Variants in CAMK4 observed in about 807,000 individuals in gnomAD.
CAMK4 encodes calcium/calmodulin dependent protein kinase IV.
In CAMK4, 22 loss-of-function variants were observed where a neutral mutation model predicts 44.9. The observed-to-expected ratio is 0.49, with a 90% CI of 0.35 to 0.70. CAMK4 has a LOEUF of 0.70. CAMK4 is among the 30% of genes least tolerant of loss of function. The pLI, the probability that CAMK4 is intolerant of heterozygous loss-of-function variation, is 0.01. For missense variants in CAMK4, 498 were observed against 586.8 expected, an observed-to-expected ratio of 0.85 and a Z score of 1.56; for synonymous variants, 218 against 215.4, an observed-to-expected ratio of 1.01 and a Z score of -0.11.
chr5:111,444,229 T>C (rs1471084262), intron 5 of CAMK4, among the ~76,000 whole-genome samples: 1 of 152,230 alleles, frequency 6.6e-6, no homozygotes, highest in African/African-American at 2.4e-5. Context: ...GTTGTGATAC[T>C]GTACAGATTT....
chr5:111,330,919 A>G (rs1749140771), intron 1 of CAMK4, among the ~76,000 whole-genome samples: 1 of 151,770 alleles, frequency 6.6e-6, no homozygotes, highest in Non-Finnish European at 1.5e-5. Context: ...ACATAAATAC[A>G]TGGAAAAAAT....
intron 5 of CAMK4, among the ~76,000 whole-genome samples, chr5:111,445,617 G>A (rs1416582550): frequency 6.6e-6 from 1 of 151,996 alleles, no homozygotes; most frequent in African/African-American, 2.4e-5. Flanking sequence ...TCATAGAGAT[G>A]GGCTCTTGTT....
At chr5:111,353,450 A>G (rs1750198454) in intron 2 of CAMK4, among the ~76,000 whole-genome samples, 1 of 152,098 alleles carries the variant, frequency 6.6e-6, no homozygotes. Context: ...ATCATCCTCC[A>G]AGGAAAGTAG....
intron 7 of CAMK4, among the ~76,000 whole-genome samples, chr5:111,450,338 A>G (rs895898166): frequency 1.3e-5 from 2 of 151,970 alleles, no homozygotes; most frequent in African/African-American, 4.8e-5. Flanking sequence ...TCTAAAAACA[A>G]AAACAAAGAG....
At chr5:111,325,838 C>G (rs1332439961) in intron 1 of CAMK4, among the ~76,000 whole-genome samples, 1 of 151,916 alleles carries the variant, frequency 6.6e-6, no homozygotes, top group Admixed American at 6.6e-5. Context: ...CCTGTTCACT[C>G]TGATGAGTGA....
At chr5:111,289,969 C>G (rs1751380160) in intron 1 of CAMK4, among the ~76,000 whole-genome samples, 1 of 152,180 alleles carries the variant, frequency 6.6e-6, no homozygotes, top group Non-Finnish European at 1.5e-5. Flanking sequence ...AGTAGTATCT[C>G]CCTGGGAACC....
intron 1 of CAMK4, among the ~76,000 whole-genome samples, chr5:111,287,930 C>T (rs774983932): frequency 3.9e-5 from 6 of 152,180 alleles, no homozygotes; most frequent in Non-Finnish European, 7.3e-5. Flanking sequence ...TCTGGCAGGC[C>T]TTCTCCTAAT....
rs199948742 is a variant in CAMK4, at chr5:111,436,048, A to AT, written c.460-10631dup. On this transcript the variant is annotated intron_variant, in intron 5 of 10. Coordinates refer to ENST00000282356, the MANE Select transcript of CAMK4 (RefSeq NM_001744.6). ...TCTAGACACCTAGCTTTTTCTGTTCATTTTTTTGCATAATATCTAATTAAA... is the reference window on the plus strand; with the variant it reads ...TCTAGACACCTAGCTTTTTCTGTTCATTTTTTTTGCATAATATCTAATTAAA... Among the ~76,000 whole-genome samples the AT allele has an allele frequency of 8.4e-3, 1,282 of 152,136 alleles. 16 individuals carry two copies. Among genetic ancestry groups the AT allele is most frequent in the African/African-American group, 0.03 (1,227 of 41,512 alleles).
intron 1 of CAMK4, among the ~76,000 whole-genome samples, chr5:111,227,212 A>G (rs1374027076): frequency 6.6e-6 from 1 of 152,242 alleles, no homozygotes; most frequent in Non-Finnish European, 1.5e-5. Flanking sequence ...AAGAATCGAT[A>G]GAGCCAGAGA....
intron 1 of CAMK4, among the ~76,000 whole-genome samples, chr5:111,333,489 GA>G (rs1362979179): frequency 1.3e-5 from 2 of 151,640 alleles, no homozygotes; most frequent in Non-Finnish European, 3.0e-5. Context: ...TTGTGATTGA[GA>G]ACCAATACTC....
intron 1 of CAMK4, among the ~76,000 whole-genome samples, chr5:111,240,607 T>C (rs1478375554): frequency 1.3e-5 from 2 of 152,186 alleles, no homozygotes; most frequent in African/African-American, 4.8e-5. Flanking sequence ...AAGCTGTTAA[T>C]GAGATACTCA....
intron 1 of CAMK4, among the ~76,000 whole-genome samples, chr5:111,329,815 G>C (rs1749078666): frequency 6.6e-6 from 1 of 151,552 alleles, no homozygotes; most frequent in Admixed American, 6.6e-5. Flanking sequence ...AAATCTCTCA[G>C]CAAAGTAAGA....
At chr5:111,452,333 G>A (rs1197581044) in intron 7 of CAMK4, among the ~76,000 whole-genome samples, 1 of 152,216 alleles carries the variant, frequency 6.6e-6, no homozygotes, top group East Asian at 1.9e-4. Context: ...CAGGCTAAGG[G>A]ATTCAGATTT....
chr5:111,257,461 A>G (rs1007858110), intron 1 of CAMK4, among the ~76,000 whole-genome samples: 8 of 152,226 alleles, frequency 5.3e-5, no homozygotes, highest in Non-Finnish European at 2.9e-5. Context: ...ATCTCACACC[A>G]GTCAGAATGA....
intron 5 of CAMK4, among the ~76,000 whole-genome samples, chr5:111,437,304 G>A (rs1368120512): frequency 6.6e-6 from 1 of 152,084 alleles, no homozygotes; most frequent in African/African-American, 2.4e-5. Flanking sequence ...ATGAATAAAA[G>A]GTCTAGATTA....
At chr5:111,255,116 T>A (rs1357976704) in intron 1 of CAMK4, among the ~76,000 whole-genome samples, 1 of 152,212 alleles carries the variant, frequency 6.6e-6, no homozygotes, top group East Asian at 1.9e-4. Context: ...TGTATCAAAA[T>A]TCCCTGGTGT....
At chr5:111,463,347 G>A (rs1754705888) in intron 7 of CAMK4, among the ~76,000 whole-genome samples, 1 of 152,190 alleles carries the variant, frequency 6.6e-6, no homozygotes, top group Non-Finnish European at 1.5e-5. Context: ...ACAAATGGGA[G>A]AGAATCCACA....
At chr5:111,350,576 T>G (rs552085344) in intron 2 of CAMK4, among the ~76,000 whole-genome samples, 26 of 152,088 alleles carry the variant, frequency 1.7e-4, no homozygotes, top group African/African-American at 5.5e-4. Context: ...AACCCTAAGC[T>G]CTTTTCTGTG....
chr5:111,363,500 G>A (rs1401082277), intron 2 of CAMK4, among the ~76,000 whole-genome samples: 22 of 152,028 alleles, frequency 1.4e-4, no homozygotes, highest in Admixed American at 1.3e-3. Context: ...CTCATGCTCC[G>A]ATGGAAGAAA....
Sources: allele counts gnomAD v4.1 joint callset (sites outside exome capture counted in the v4.1 genomes callset), GRCh38; gene constraint gnomAD v4.1.1; transcripts MANE v1.5; gene names NCBI Gene and HGNC (gene_info 2026-07-23, HGNC 2026-07-21).